Variants in GRM7 observed in about 807,000 individuals in gnomAD.
GRM7 encodes metabotropic glutamate receptor 7.
A neutral mutation model predicts 84.5 loss-of-function variants in GRM7; 35 were observed. The ratio of observed to expected loss-of-function variants is 0.41; its 90% CI spans 0.32 to 0.55. GRM7 has a LOEUF of 0.55. Ranked by LOEUF, GRM7 falls within the 20% of genes least tolerant of loss-of-function variation. The pLI, the probability that GRM7 is intolerant of heterozygous loss-of-function variation, is 0.19. For synonymous variants in GRM7, 487 were observed against 455.1 expected (o/e 1.07, Z -0.89); for missense variants, 1,003 against 1,194.6 (o/e 0.84, Z 2.36).
rs778344459 is a variant in GRM7 at position 7,101,215 on chromosome 3, C to T, written c.520-45237C>T. On this transcript the variant is annotated intron_variant, in intron 1 of 9. Coordinates refer to ENST00000357716, the MANE Select transcript of GRM7 (RefSeq NM_000844.4). ...AATAGTTGTACCATTTTTTTATTCC[C>T]GCAGACAATCCGTGAGAGTTCCAAT... is the stretch of plus-strand genomic sequence containing the variant. Among the ~76,000 whole-genome samples the T allele has an allele frequency of 2.2e-4, 34 of 151,704 alleles. 2 individuals carry two copies. Among genetic ancestry groups the T allele is most frequent in the Admixed American group, 6.6e-4 (10 of 15,180 alleles).
In GRM7 at chr3:7,620,583, G is replaced by A. The variant is rs114675019; in HGVS notation, c.2451+41226G>A. Among the ~76,000 whole-genome samples the A allele has an allele frequency of 5.6e-3, 847 of 152,186 alleles. 10 individuals are homozygous for A. The highest frequency in any genetic ancestry group is 0.019 in the African/African-American group (801 of 41,526). On this transcript the variant is annotated intron_variant, in intron 8 of 9. Coordinates refer to ENST00000357716, the MANE Select transcript of GRM7 (RefSeq NM_000844.4). ...ATAGTTACACCATACCAGGCAGTGC[G>A]GCACTTGGGCACAGAACCAATATTA...
chr3:7,293,200 A>G lies in GRM7; in HGVS notation c.737-5484A>G, dbSNP rs145982123. On this transcript the variant is annotated intron_variant, in intron 2 of 9. Coordinates refer to ENST00000357716, the MANE Select transcript of GRM7 (RefSeq NM_000844.4). ...AAACTGTTTTCTGTTGTTTCTGCTTATTAGATTAAAAATAATTCATAATCA... is the reference window on the plus strand; with the variant it reads ...AAACTGTTTTCTGTTGTTTCTGCTTGTTAGATTAAAAATAATTCATAATCA... 4.1e-3 allele frequency among the ~76,000 whole-genome samples: 618 copies of G among 152,192 alleles called. 5 individuals are homozygous for G. The highest frequency in any genetic ancestry group is 0.014 in the African/African-American group (580 of 41,500).
At chr3:7,550,045 C>G (rs955159323) in intron 7 of GRM7, among the ~76,000 whole-genome samples, 4 of 152,122 alleles carry the variant, frequency 2.6e-5, no homozygotes, top group African/African-American at 9.7e-5. Context: ...CCATCATCCT[C>G]CCCCTCTTTA....
At chr3:7,661,710 G>C (rs894989803) in intron 8 of GRM7, among the ~76,000 whole-genome samples, 4 of 145,160 alleles carry the variant, frequency 2.8e-5, no homozygotes, top group African/African-American at 1.0e-4. Context: ...AGAAGAATGG[G>C]GTGAACTCGG....
chr3:7,010,624 G>A (rs1419138667), intron 1 of GRM7, among the ~76,000 whole-genome samples: 2 of 152,196 alleles, frequency 1.3e-5, no homozygotes, highest in African/African-American at 4.8e-5. Context: ...AGGCTAAACT[G>A]ATTTAGCAGG....
chr3:7,186,633 A>C (rs1236553282), intron 2 of GRM7, among the ~76,000 whole-genome samples: 1 of 152,138 alleles, frequency 6.6e-6, no homozygotes, highest in Non-Finnish European at 1.5e-5. Context: ...CTGTCTGTCT[A>C]TCTAATCTAT....
chr3:7,024,585 A>G (rs1695908192), intron 1 of GRM7, among the ~76,000 whole-genome samples: 1 of 152,242 alleles, frequency 6.6e-6, no homozygotes, highest in African/African-American at 2.4e-5. Context: ...CTTCCAGGCA[A>G]AACTGCAGCA....
intron 1 of GRM7, among the ~76,000 whole-genome samples, chr3:7,051,866 T>C (rs17046730): frequency 0.14 from 20,544 of 151,748 alleles, 2,013 homozygotes; most frequent in African/African-American, 0.28. Context: ...ACCTGTAATC[T>C]CTACATCAAT....
intron 9 of GRM7, among the ~76,000 whole-genome samples, chr3:7,686,155 G>A (rs1700574910): frequency 6.6e-6 from 1 of 152,168 alleles, no homozygotes; most frequent in Non-Finnish European, 1.5e-5. Flanking sequence ...CTTAACTCAA[G>A]AGGCACCAGT....
Position 7,192,523 on chromosome 3 carries a change from A to G in GRM7, c.736+45855A>G, listed in dbSNP as rs1221347187. 2.0e-5 allele frequency among the ~76,000 whole-genome samples: 3 copies of G among 152,096 alleles called. No homozygotes were observed. The East Asian group carries it at 5.8e-4, about 29-fold the overall frequency. On this transcript the variant is annotated intron_variant, in intron 2 of 9. Transcript: ENST00000357716. ...CTTTCCTTCAACTTGCTGTTCTTAT[A>G]CTTTAAAAAATATGGCATTGCCTTG...
intron 7 of GRM7, among the ~76,000 whole-genome samples, chr3:7,478,310 GC>G (rs1699001858): frequency 6.6e-6 from 1 of 152,062 alleles, no homozygotes; most frequent in Admixed American, 6.6e-5. Flanking sequence ...CCCACTGAGC[GC>G]TGGGCTCTGT....
At chr3:6,886,659 T>C (rs1008005475) in intron 1 of GRM7, among the ~76,000 whole-genome samples, 6 of 151,972 alleles carry the variant, frequency 3.9e-5, no homozygotes, top group Non-Finnish European at 5.9e-5. Context: ...GTCTGATATA[T>C]AGAATATTTG....
chr3:7,389,039 C>A (rs923383502), intron 4 of GRM7, among the ~76,000 whole-genome samples: 1 of 152,002 alleles, frequency 6.6e-6, no homozygotes, highest in Non-Finnish European at 1.5e-5. Context: ...CCTCTTAATG[C>A]CACTTTTGCC....
intron 2 of GRM7, among the ~76,000 whole-genome samples, chr3:7,210,656 T>C (rs889493169): frequency 1.3e-5 from 2 of 152,156 alleles, no homozygotes; most frequent in Non-Finnish European, 2.9e-5. Flanking sequence ...TATCTGACTG[T>C]GTCAGCATCT....
chr3:7,713,571 A>G (rs1304341799), intron 9 of GRM7, among the ~76,000 whole-genome samples: 1 of 152,088 alleles, frequency 6.6e-6, no homozygotes, highest in Non-Finnish European at 1.5e-5. Context: ...TCCACTTTCT[A>G]CAGCACCCTT....
intron 8 of GRM7, among the ~76,000 whole-genome samples, chr3:7,609,553 C>T (rs1041318499): frequency 2.6e-5 from 4 of 151,536 alleles, no homozygotes; most frequent in Non-Finnish European, 5.9e-5. Flanking sequence ...GAGGAAAAAA[C>T]AGAGCAGGCA....
intron 2 of GRM7, among the ~76,000 whole-genome samples, chr3:7,229,396 A>G (rs939342581): frequency 6.6e-6 from 1 of 151,916 alleles, no homozygotes; most frequent in Admixed American, 6.6e-5. Flanking sequence ...GCTGAGGAAG[A>G]TGAGGCAGAT....
intron 1 of GRM7, among the ~76,000 whole-genome samples, chr3:6,913,729 T>C (rs1341575360): frequency 1.3e-5 from 2 of 152,174 alleles, no homozygotes; most frequent in African/African-American, 4.8e-5. Flanking sequence ...ACAGTTTTAG[T>C]AGCAAAAGTA....
intron 1 of GRM7, among the ~76,000 whole-genome samples, chr3:7,020,990 C>T (rs1212908811): frequency 2.0e-5 from 3 of 152,116 alleles, no homozygotes; most frequent in Non-Finnish European, 4.4e-5. Context: ...GGAAGTAGGC[C>T]AAATCATTTT....
Sources: allele counts gnomAD v4.1 joint callset (sites outside exome capture counted in the v4.1 genomes callset), GRCh38; gene constraint gnomAD v4.1.1; transcripts MANE v1.5; gene names NCBI Gene and HGNC (gene_info 2026-07-23, HGNC 2026-07-21).